GZMM: variants seen among roughly 807,000 people sequenced by gnomAD.
The protein encoded by GZMM is HU-Met-1.
GZMM carries 23 observed loss-of-function variants against 19.2 expected under a neutral mutation model. That is an observed-to-expected ratio of 1.20 (90% CI 0.86 to 1.69). GZMM has a LOEUF of 1.69. GZMM is among the 40% of genes most tolerant of loss of function. The probability of loss-of-function intolerance (pLI) is 0.00; values close to 1 mark genes in which losing one functional copy is unlikely to be tolerated. For synonymous variants in GZMM, 178 were observed against 160.2 expected, an observed-to-expected ratio of 1.11 and a Z score of -0.84; for missense variants, 373 against 352.2, an observed-to-expected ratio of 1.06 and a Z score of -0.47.
chr19:546,614 T>C (rs1044562576), intron 1 of GZMM, among the ~76,000 whole-genome samples: 4 of 145,432 alleles, frequency 2.8e-5, no homozygotes, highest in African/African-American at 5.1e-5. Context: ...CTGAGATGGG[T>C]GGATCACAAG....
chr19:548,796 C>A, intron 3 of GZMM, 119 bp downstream of exon 3: 6 of 615,220 alleles, frequency 9.8e-6, no homozygotes, highest in South Asian at 3.7e-5. Context: ...CCCCTCCCCC[C>A]GCACTACTGC....
chr19:546,636 G>A (rs1367730584), intron 1 of GZMM, among the ~76,000 whole-genome samples: 5 of 151,196 alleles, frequency 3.3e-5, no homozygotes, highest in African/African-American at 7.3e-5. Flanking sequence ...TCAGGAGTTC[G>A]AGACCAGCCT....
At chr19:549,395 G>A (rs1483656811) in intron 4 of GZMM, among the ~76,000 whole-genome samples, 1 of 152,220 alleles carries the variant, frequency 6.6e-6, no homozygotes, top group East Asian at 1.9e-4. Context: ...CACACAGCCG[G>A]GAAGCGGCAG....
intron 1 of GZMM, among the ~76,000 whole-genome samples, chr19:544,762 T>C (rs114289099): frequency 0.027 from 1,860 of 69,910 alleles, 59 homozygotes; most frequent in African/African-American, 0.095. Flanking sequence ...CCTCTACCCG[T>C]CCGTCCACCC....
intron 1 of GZMM, 37 bp from the exon 2 acceptor site, chr19:547,243 T>C: frequency 6.8e-7 from 1 of 1,466,558 alleles, no homozygotes; most frequent in Non-Finnish European, 9.1e-7. Context: ...CAGGGGCATG[T>C]AGCCCCAACC....
chr19:548,859 GCCCCCCGCCCCCGC>G, intron 3 of GZMM, 49 bp from the exon 4 acceptor site: 2 of 439,874 alleles, frequency 4.5e-6, no homozygotes, highest in Non-Finnish European at 8.2e-6. Context: ...CCCCGCTGCC[GCCCCCCGCCCCCGC>G]ACTCTCACCC....
At position 549,441 on chromosome 19, in the gene GZMM, G is replaced by C. The variant is rs189875476; in HGVS notation, c.613-189G>C. The stretch of plus-strand genomic sequence containing the variant: ...TCTGCTCCAGCCAAGACGGTCCGGC[G>C]GGGGAAGAAGGAGCAGGGTTCACAG... On this transcript the variant is annotated intron_variant, in intron 4 of 4. Transcript: ENST00000264553. Among the ~76,000 whole-genome samples, 116 of 152,346 alleles carry C rather than the reference G, an allele frequency of 7.6e-4. 1 individual carries two copies. The East Asian group carries it at 0.021, about 28-fold the overall frequency.
intron 1 of GZMM, 85 bp downstream of exon 1, chr19:544,211 C>T (rs1021481081): frequency 1.1e-5 from 13 of 1,147,160 alleles, no homozygotes; most frequent in African/African-American, 7.7e-5. Flanking sequence ...GCGCGGGCGC[C>T]GACATCCTGG....
At chr19:549,267 C>T (rs879840179) in intron 4 of GZMM, 82 bp downstream of exon 4, 135 of 1,350,176 alleles carry the variant, frequency 1.0e-4, no homozygotes, top group Non-Finnish European at 1.3e-4. Flanking sequence ...AGGTTCCTGG[C>T]TCTCCCGTTC....
At chr19:547,831 C>T (rs998824736) in intron 2 of GZMM, among the ~76,000 whole-genome samples, 2 of 152,154 alleles carry the variant, frequency 1.3e-5, no homozygotes, top group Non-Finnish European at 2.9e-5. Flanking sequence ...AGGTCGAAGC[C>T]GGCCTTCGAG....
intron 3 of GZMM, 80 bp downstream of exon 3, chr19:548,757 C>CCGCTGCCAACCCTCCCCCCG: frequency 8.5e-7 from 1 of 1,180,066 alleles, no homozygotes. Flanking sequence ...CGCCCTCCCC[C>CCGCTGCCAACCCTCCCCCCG]CGCTGCCGAC....
At chr19:544,168 C>A (rs751076520) in intron 1 of GZMM, 42 bp downstream of exon 1, 1 of 1,503,626 alleles carries the variant, frequency 6.7e-7, no homozygotes, top group Non-Finnish European at 9.0e-7. Context: ...TGAGGCCCAG[C>A]GCTCTCGGTG....
rs113273340 is a variant in GZMM, at chr19:549,889, G to A, written c.*98G>A. 6.2e-6 allele frequency: 5 copies of A among 808,148 alleles called. No individual in the cohort carries two copies. The African/African-American group carries it at 8.5e-5, about 14-fold the overall frequency. The allele number at this position is 808,148 out of a possible 1,614,324, so 50.1% of individuals were successfully genotyped here. A position where few individuals can be genotyped will look rare whatever the true frequency, so the allele number is the denominator to read the frequency against. ...TGAGGACGGGTGGGAGGGACAGGGA[G>A]GGACCAATAAATCATAATGAAGAAA... On this transcript the variant is annotated 3_prime_UTR_variant, in exon 5 of 5. Transcript: ENST00000264553.
intron 2 of GZMM, among the ~76,000 whole-genome samples, chr19:547,719 C>T (rs987102331): frequency 4.6e-5 from 7 of 152,150 alleles, no homozygotes; most frequent in African/African-American, 1.7e-4. Context: ...GGACAGAGTG[C>T]ATTGTGTCTG....
At chr19:547,468 C>G (rs1980333075) in intron 2 of GZMM, 32 bp downstream of exon 2, 2 of 1,346,114 alleles carry the variant, frequency 1.5e-6, no homozygotes, top group Admixed American at 3.0e-5. Context: ...CCCCAGGGGT[C>G]CGGGGAATCC....
rs1980403685 is a variant in GZMM at position 548,969 on chromosome 19, G to A, written c.396G>A (p.Leu132=). ...GCCGGACCATCCGGCCGTTGGCCCT[G>A]CCCAGTAAGCGCCAGGTGGTGGCAG... is the stretch of plus-strand genomic sequence containing the variant. The part of the protein sequence containing the change: ...KPSRTIRPLA[L]PSKRQVVAAG... Residue 132 remains leucine (L), a synonymous_variant, in exon 4 of 5, where the codon CTG becomes CTA. Coordinates refer to ENST00000264553, the MANE Select transcript of GZMM (RefSeq NM_005317.4). The A allele has an allele frequency of 2.5e-6, 4 of 1,601,552 alleles. No individual in the cohort carries two copies. Among genetic ancestry groups the A allele is most frequent in the Admixed American group, 3.4e-5 (2 of 59,318 alleles).
At chr19:545,217 G>T (rs1980229617) in intron 1 of GZMM, among the ~76,000 whole-genome samples, 1 of 151,934 alleles carries the variant, frequency 6.6e-6, no homozygotes, top group African/African-American at 2.4e-5. Context: ...AGACTGTGCA[G>T]AGCGGAGGAA....
chr19:548,404 T>TG (rs1324652460), intron 2 of GZMM, 138 bp from the exon 3 acceptor site: 2 of 789,360 alleles, frequency 2.5e-6, no homozygotes, highest in Non-Finnish European at 4.1e-6. Flanking sequence ...AGGGAAGGAC[T>TG]GGCCAAGCCA....
At chr19:548,060 G>A (rs949897293) in intron 2 of GZMM, among the ~76,000 whole-genome samples, 1 of 152,222 alleles carries the variant, frequency 6.6e-6, no homozygotes, top group Non-Finnish European at 1.5e-5. Context: ...GCGCTGTGGA[G>A]CCCATCTGTC....
Sources: allele counts gnomAD v4.1 joint callset (sites outside exome capture counted in the v4.1 genomes callset), GRCh38; gene constraint gnomAD v4.1.1; transcripts MANE v1.5; gene names NCBI Gene and HGNC (gene_info 2026-07-23, HGNC 2026-07-21).